The following FAM227B variants were observed in gnomAD, a reference collection of about 807,000 sequenced individuals.
FAM227B encodes the protein family with sequence similarity 227 member B, also known as protein FAM227B.
Under a neutral mutation model 73.8 loss-of-function variants are expected in FAM227B, and 88 were observed. That is an observed-to-expected ratio of 1.19 (90% confidence interval 1.00 to 1.42). The LOEUF is 1.42. Among genes scored for constraint, FAM227B ranks in the 40% most tolerant of loss-of-function variants. FAM227B has a pLI of 0.00. For synonymous variants in FAM227B, 210 were observed against 190.5 expected, an observed-to-expected ratio of 1.10 and a Z score of -0.84; for missense variants, 632 against 590.9, an observed-to-expected ratio of 1.07 and a Z score of -0.72.
At chr15:49,532,067 A>T (rs2152230573) in intron 10 of FAM227B, among the ~76,000 whole-genome samples, 1 of 149,156 alleles carries the variant, frequency 6.7e-6, no homozygotes, top group Admixed American at 6.8e-5. Context: ...TATATAAAAT[A>T]TACATAATAT....
chr15:49,565,610 A>G (rs1267046848), intron 9 of FAM227B, among the ~76,000 whole-genome samples: 2 of 152,200 alleles, frequency 1.3e-5, no homozygotes, highest in Non-Finnish European at 2.9e-5. Context: ...TTTTAGAATT[A>G]GAAAGTCTCT....
chr15:49,537,748 G>T (rs927257190), intron 10 of FAM227B, among the ~76,000 whole-genome samples: 1 of 152,114 alleles, frequency 6.6e-6, no homozygotes, highest in Admixed American at 6.6e-5. Flanking sequence ...TAAAAAAGGA[G>T]ATCCTGCCAT....
intron 11 of FAM227B, among the ~76,000 whole-genome samples, chr15:49,409,972 A>T (rs546546594): frequency 3.9e-5 from 6 of 152,284 alleles, no homozygotes; most frequent in South Asian, 2.1e-4. Context: ...ACTGTTTATT[A>T]GGATCATTCA....
At chr15:49,500,308 C>T (rs971544429) in intron 11 of FAM227B, among the ~76,000 whole-genome samples, 5 of 152,180 alleles carry the variant, frequency 3.3e-5, no homozygotes, top group African/African-American at 1.2e-4. Context: ...GATATTTGAA[C>T]AGACACTTCA....
chr15:49,391,148 G>C (rs1440522359), intron 11 of FAM227B, among the ~76,000 whole-genome samples: 1 of 152,020 alleles, frequency 6.6e-6, no homozygotes, highest in Non-Finnish European at 1.5e-5. Flanking sequence ...TGAGGAGATA[G>C]ATCAAATTAA....
chr15:49,401,368 T>A (rs1425375482), intron 11 of FAM227B, among the ~76,000 whole-genome samples: 1 of 152,046 alleles, frequency 6.6e-6, no homozygotes, highest in African/African-American at 2.4e-5. Flanking sequence ...CTGGAGAGGA[T>A]GTGGAGAAAT....
chr15:49,498,436 A>G (rs2057818788), intron 11 of FAM227B, among the ~76,000 whole-genome samples: 1 of 152,230 alleles, frequency 6.6e-6, no homozygotes, highest in Non-Finnish European at 1.5e-5. Context: ...TATCAAGTAC[A>G]TATTTCAAAC....
At chr15:49,517,408 A>C (rs915775671) in intron 10 of FAM227B, among the ~76,000 whole-genome samples, 1 of 152,234 alleles carries the variant, frequency 6.6e-6, no homozygotes, top group Non-Finnish European at 1.5e-5. Flanking sequence ...AAAGAAATAA[A>C]AATATGTTTT....
At chr15:49,419,507 T>C (rs1728954731) in intron 11 of FAM227B, among the ~76,000 whole-genome samples, 1 of 152,342 alleles carries the variant, frequency 6.6e-6, no homozygotes, top group Non-Finnish European at 1.5e-5. Flanking sequence ...GAACACAGTT[T>C]AATATTTCAT....
chr15:49,512,347 ATGTT>A (rs1330430583), intron 10 of FAM227B, among the ~76,000 whole-genome samples: 2 of 152,056 alleles, frequency 1.3e-5, no homozygotes, highest in Non-Finnish European at 2.9e-5. Flanking sequence ...ACATTACTTC[ATGTT>A]TGTTAATCAT....
intron 8 of FAM227B, among the ~76,000 whole-genome samples, chr15:49,570,625 T>C (rs1283344747): frequency 6.6e-6 from 1 of 151,572 alleles, no homozygotes; most frequent in Non-Finnish European, 1.5e-5. Flanking sequence ...CCTTTCCCCA[T>C]TTCTCCCCAC....
intron 11 of FAM227B, among the ~76,000 whole-genome samples, chr15:49,422,120 T>TAGAGAGAGAGAGAGAGAG (rs3075167): frequency 0.026 from 3,518 of 133,254 alleles, 38 homozygotes; most frequent in African/African-American, 0.029. Context: ...GCATTTCACA[T>TAGAGAGAGAGAGAGAGAG]AGAGAGAGAG....
intron 1 of FAM227B, among the ~76,000 whole-genome samples, chr15:49,618,188 C>A (rs556282448): frequency 6.6e-6 from 1 of 152,318 alleles, no homozygotes; most frequent in East Asian, 1.9e-4. Context: ...ATTCTATCTA[C>A]TACACTCCTA....
At chr15:49,512,248 G>T (rs981850130) in intron 10 of FAM227B, among the ~76,000 whole-genome samples, 6 of 152,000 alleles carry the variant, frequency 3.9e-5, no homozygotes, top group Non-Finnish European at 8.8e-5. Flanking sequence ...GGAAGTATTT[G>T]ATTTTTGGCT....
chr15:49,590,111 C>A, intron 3 of FAM227B, 104 bp from the exon 4 acceptor site: 2 of 648,972 alleles, frequency 3.1e-6, no homozygotes, highest in Non-Finnish European at 5.4e-6. Flanking sequence ...TATTCCACAG[C>A]ATTGTTTTTT....
intron 10 of FAM227B, among the ~76,000 whole-genome samples, chr15:49,529,494 C>T (rs1378698803): frequency 2.6e-5 from 4 of 151,606 alleles, no homozygotes; most frequent in African/African-American, 9.7e-5. Context: ...TAAAAATAAA[C>T]ATACACACAA....
chr15:49,368,032 G>GT (rs1373333117), intron 12 of FAM227B, among the ~76,000 whole-genome samples: 2 of 151,990 alleles, frequency 1.3e-5, no homozygotes, highest in African/African-American at 4.8e-5. Context: ...CCCAGACAAA[G>GT]TTTTTTAAAA....
At chr15:49,518,203 T>C (rs1358286577) in intron 10 of FAM227B, among the ~76,000 whole-genome samples, 3 of 152,214 alleles carry the variant, frequency 2.0e-5, no homozygotes, top group Non-Finnish European at 2.9e-5. Flanking sequence ...CTTTAGTAGA[T>C]ATTGGCAGTT....
intron 10 of FAM227B, among the ~76,000 whole-genome samples, chr15:49,535,630 A>G (rs1038243030): frequency 1.3e-5 from 2 of 151,908 alleles, no homozygotes; most frequent in African/African-American, 4.8e-5. Context: ...CTACAGGTCA[A>G]TTTCTCTGAT....
Sources: allele counts gnomAD v4.1 joint callset (sites outside exome capture counted in the v4.1 genomes callset), GRCh38; gene constraint gnomAD v4.1.1; transcripts MANE v1.5; gene names NCBI Gene and HGNC (gene_info 2026-07-23, HGNC 2026-07-21).